The following RSPH3 variants were observed in gnomAD, a reference collection of about 807,000 sequenced individuals.
RSPH3 encodes radial spoke head protein 3 homolog.
Under a neutral mutation model 43.8 loss-of-function variants are expected in RSPH3, and 21 were observed. That is an observed-to-expected ratio of 0.48 (90% CI 0.34 to 0.69). RSPH3 has a LOEUF of 0.69. RSPH3 is among the 30% of genes least tolerant of loss of function. RSPH3 has a pLI of 0.01. For missense variants in RSPH3, 487 were observed against 516.0 expected (o/e 0.94, Z 0.54); for synonymous variants, 173 against 179.8 (o/e 0.96, Z 0.30).
chr6:158,983,771 T>C lies in RSPH3; in HGVS notation c.383A>G (p.Glu128Gly). ...YLEEIADRIIEVDMECQTDAF... is the reference protein window; with the variant it reads ...YLEEIADRIIGVDMECQTDAF... ...ATCTGTTTGGCATTCCATATCAACT[T>C]CTATTATGCGATCAGCAATTTCTTC... Residue 128 changes from glutamate to glycine, a missense_variant, in exon 4 of 8, where the codon GAA (glutamate) becomes GGA (glycine). By Grantham distance (98) the Glu-to-Gly change is moderately conservative. Coordinates refer to ENST00000367069, the MANE Select transcript of RSPH3 (RefSeq NM_031924.8). 1 of 1,603,886 alleles carries C rather than the reference T, an allele frequency of 6.2e-7. No homozygotes were observed. The highest frequency in any genetic ancestry group is 8.5e-7 in the Non-Finnish European group (1 of 1,170,788).
In RSPH3 at chr6:158,977,766, A is replaced by G. The variant is rs1400893386; in HGVS notation, c.1029T>C (p.Asp343=). The G allele has an allele frequency of 3.1e-6, 5 of 1,614,106 alleles. No individual in the cohort carries two copies. In the African/African-American group the frequency reaches 6.7e-5, roughly 22 times the overall value. The change falls in exon 8 of 8, where the codon GAT becomes GAC. Residue 343 remains aspartate (D), a synonymous_variant. Transcript: ENST00000367069. ...EDTHQSPEPE[D]EPGGPGAMTE... is the part of the protein sequence containing the mutation. ...TCATTGCTCCAGGACCACCAGGCTCATCCTCGGGTTCTGGAGACTGATGTG... is the reference window on the plus strand; with the variant it reads ...TCATTGCTCCAGGACCACCAGGCTCGTCCTCGGGTTCTGGAGACTGATGTG...
intron 3 of RSPH3, among the ~76,000 whole-genome samples, chr6:158,985,523 T>C (rs951453778): frequency 2.0e-5 from 3 of 152,170 alleles, no homozygotes; most frequent in African/African-American, 7.2e-5. Context: ...CTTGAAATCC[T>C]GGGCACATAT....
chr6:158,993,830 T>A lies in RSPH3; in HGVS notation c.204+9A>T. On this transcript the variant is annotated intron_variant, in intron 2 of 7. Coordinates refer to ENST00000367069, the MANE Select transcript of RSPH3 (RefSeq NM_031924.8). ...GAACACGGTGTTAGACTATTCAAAC[T>A]GAACTTACCAGTGGCCCTGTCTGGA... 1 of 1,532,052 alleles carries A rather than the reference T, an allele frequency of 6.5e-7. No homozygotes were observed. The highest frequency in any genetic ancestry group is 9.0e-7 in the Non-Finnish European group (1 of 1,106,152). 94.9% of individuals were successfully genotyped at this position (1,532,052 alleles called of 1,614,324 possible).
the RSPH3 span, among the ~76,000 whole-genome samples, chr6:158,967,816 T>C: frequency 6.6e-6 from 1 of 152,116 alleles, no homozygotes; most frequent in Non-Finnish European, 1.5e-5. Flanking sequence ...CTTTTTATCA[T>C]AAAATACATT....
chr6:158,978,397 G>T, intron 6 of RSPH3, 51 bp from the exon 7 acceptor site: 1 of 903,616 alleles, frequency 1.1e-6, no homozygotes, highest in Non-Finnish European at 1.8e-6. Flanking sequence ...GGAATAATGC[G>T]CTTTTCTCTT....
chr6:158,995,799 C>T (rs367897256), intron 1 of RSPH3, among the ~76,000 whole-genome samples: 29 of 152,156 alleles, frequency 1.9e-4, no homozygotes, highest in African/African-American at 6.7e-4. Flanking sequence ...CGGGGTTTCA[C>T]CGTGTTAGCC....
rs374887740 is a variant in RSPH3 at position 158,977,709 on chromosome 6, C to A, written c.1086G>T (p.Glu362Asp). 27 of 1,614,042 alleles carry A rather than the reference C, an allele frequency of 1.7e-5. No individual in the cohort carries two copies. The highest frequency in any genetic ancestry group is 2.7e-5 in the African/African-American group (2 of 74,902). The change falls in exon 8 of 8, where the codon GAG becomes GAT. Residue 362 changes from glutamate to aspartate, a missense_variant. Glu to Asp is a conservative substitution (Grantham distance 45). Coordinates refer to ENST00000367069, the MANE Select transcript of RSPH3 (RefSeq NM_031924.8). ...GCTCCCGTGTCTGTGACATGCTCTGCTCCAGGAATTCAGAGGCCTCCAGTG... is the reference window on the plus strand; with the variant it reads ...GCTCCCGTGTCTGTGACATGCTCTGATCCAGGAATTCAGAGGCCTCCAGTG... ...TESLEASEFL[E>D]QSMSQTRELL...
At chr6:158,984,074 C>T (rs1778130495) in intron 3 of RSPH3, among the ~76,000 whole-genome samples, 1 of 151,874 alleles carries the variant, frequency 6.6e-6, no homozygotes, top group South Asian at 2.1e-4. Context: ...GTGGAGGTTG[C>T]AGTGAGCCAA....
rs1456964726 is a variant in RSPH3 at position 158,976,030 on chromosome 6, GTAAC to G, written c.*1504_*1507del. On this transcript the variant is annotated 3_prime_UTR_variant, in exon 8 of 8. Coordinates refer to ENST00000367069, the MANE Select transcript of RSPH3 (RefSeq NM_031924.8). ...AGAGCCCATCTCTACAAAAAATACA[GTAAC>G]TAGCCAGACGTGGTGGTGCACACCT... 3 of 152,516 alleles carry G rather than the reference GTAAC, an allele frequency of 2.0e-5. No homozygotes were observed. Among genetic ancestry groups the G allele is most frequent in the Non-Finnish European group, 4.4e-5 (3 of 68,450 alleles). The allele number at this position is 152,516 out of a possible 1,614,324, so 9.4% of individuals were successfully genotyped here.
rs149708518 is a variant in RSPH3, at chr6:158,998,247, CGA to C, written c.116+1186_116+1187del. ...CGGGCGGATCATGAGGTCAGGAGAT[CGA>C]GAGTATCCTGGCTAACATGGTGAAA... On this transcript the variant is annotated intron_variant, in intron 1 of 7. Coordinates refer to ENST00000367069, the MANE Select transcript of RSPH3 (RefSeq NM_031924.8). Among the ~76,000 whole-genome samples, 9 of 120,996 alleles carry C rather than the reference CGA, an allele frequency of 7.4e-5. No individual in the cohort carries two copies. In the East Asian group the frequency reaches 2.2e-3, roughly 30 times the overall value. 79.4% of individuals were successfully genotyped at this position (120,996 alleles called of 152,430 possible).
At chr6:158,987,686 C>T (rs1465748048) in intron 2 of RSPH3, among the ~76,000 whole-genome samples, 1 of 151,982 alleles carries the variant, frequency 6.6e-6, no homozygotes, top group Non-Finnish European at 1.5e-5. Flanking sequence ...AAGTTGTTTG[C>T]AGAGATGACA....
Position 158,977,607 on chromosome 6 carries a change from C to G in RSPH3, c.1188G>C (p.Glu396Asp), listed in dbSNP as rs1777888297. ...CTTCATCTTGCCCTAAGAGTTCTCT[C>G]TCTTCCATAAACTTCCTTTCCTGGG... ...RSSQERKFME[E>D]RELLGQDEET... The change falls in exon 8 of 8, where the codon GAG becomes GAC. Residue 396 changes from glutamate (E) to aspartate (D), a missense_variant. By Grantham distance (45) the Glu-to-Asp change is conservative. Transcript: ENST00000367069. The G allele has an allele frequency of 6.2e-7, 1 of 1,614,008 alleles. No individual in the cohort carries two copies. Among genetic ancestry groups the G allele is most frequent in the Non-Finnish European group, 8.5e-7 (1 of 1,180,038 alleles).
chr6:158,992,391 T>C (rs1183410906), intron 2 of RSPH3, among the ~76,000 whole-genome samples: 1 of 151,772 alleles, frequency 6.6e-6, no homozygotes, highest in African/African-American at 2.4e-5. Context: ...TCAATCCTTC[T>C]GCCTCAGCCT....
intron 1 of RSPH3, among the ~76,000 whole-genome samples, chr6:158,996,237 G>A (rs1778590438): frequency 6.6e-6 from 1 of 152,242 alleles, no homozygotes; most frequent in Admixed American, 6.5e-5. Flanking sequence ...TTTGTAAAAT[G>A]AGGGAATGTC....
At chr6:158,999,410 C>T (rs775363678) in intron 1 of RSPH3, 25 bp downstream of exon 1, 7 of 1,493,128 alleles carry the variant, frequency 4.7e-6, no homozygotes, top group Non-Finnish European at 6.2e-6. Flanking sequence ...GTATGGACCA[C>T]ACAGGGGCTG....
At position 158,999,842 on chromosome 6, in the gene RSPH3, A is replaced by C. The variant is rs764036988; in HGVS notation, c.-292T>G. 9 of 1,613,636 alleles carry C rather than the reference A, an allele frequency of 5.6e-6. No homozygotes were observed. The highest frequency in any genetic ancestry group is 2.2e-5 in the South Asian group (2 of 91,070). On this transcript the variant is annotated 5_prime_UTR_variant, in exon 1 of 8. Coordinates refer to ENST00000367069, the MANE Select transcript of RSPH3 (RefSeq NM_031924.8). ...GGAACTCCGGGCAGTTCCGGTCCCC[A>C]GGTTTCCCGGGAAGGACTGCGGCAC...
chr6:158,997,613 C>T (rs1778638930), intron 1 of RSPH3, among the ~76,000 whole-genome samples: 1 of 152,182 alleles, frequency 6.6e-6, no homozygotes, highest in Admixed American at 6.5e-5. Flanking sequence ...TTGTGCATTA[C>T]TCAGATATAC....
At position 158,973,232 on chromosome 6, in the gene RSPH3, C is replaced by T. The variant is rs190812423; in HGVS notation, c.*4306G>A. On this transcript the variant is annotated 3_prime_UTR_variant, in exon 8 of 8. Coordinates refer to ENST00000367069, the MANE Select transcript of RSPH3 (RefSeq NM_031924.8). ...ACATAAAAATACATTCTGTGATTCA[C>T]CTATAAACAAAAGAGTAAAGCAGAA... is the stretch of plus-strand genomic sequence containing the variant. 1 of 152,078 alleles carries T rather than the reference C, an allele frequency of 6.6e-6. No homozygotes were observed. The highest frequency in any genetic ancestry group is 6.5e-5 in the Admixed American group (1 of 15,268). The allele number at this position is 152,078 out of a possible 1,614,324, so 9.4% of individuals were successfully genotyped here.
chr6:158,986,273 C>T lies in RSPH3; in HGVS notation c.346+7G>A. 6.2e-7 allele frequency: 1 copy of T among 1,612,864 alleles called. No homozygotes were observed. The highest frequency in any genetic ancestry group is 8.5e-7 in the Non-Finnish European group (1 of 1,179,478). The stretch of plus-strand genomic sequence containing the variant: ...GAGGACACAATGCCAAGGGCACAGT[C>T]ACACACCTGTTTGCACATCGACATG... On this transcript the variant is annotated splice_region_variant and intron_variant, in intron 3 of 7. Coordinates refer to ENST00000367069, the MANE Select transcript of RSPH3 (RefSeq NM_031924.8).
Sources: gnomAD v4.1 joint callset for allele counts (sites outside exome capture counted in the v4.1 genomes callset) on GRCh38, gnomAD v4.1.1 for gene constraint, MANE v1.5 for transcripts, NCBI Gene and HGNC (gene_info 2026-07-23, HGNC 2026-07-21) for gene names.